Variants in MMS22L observed in about 807,000 individuals in gnomAD.
The protein encoded by MMS22L is protein MMS22-like.
In MMS22L, 74 loss-of-function variants were observed where a neutral mutation model predicts 159.1. The ratio of observed to expected loss-of-function variants is 0.47; its 90% CI spans 0.39 to 0.56. The LOEUF (loss-of-function observed/expected upper bound fraction) is 0.56. MMS22L is among the 20% of genes least tolerant of loss of function. The pLI, the probability that MMS22L is intolerant of heterozygous loss-of-function variation, is 0.00. For synonymous variants in MMS22L, 517 were observed against 506.9 expected (o/e 1.02, Z -0.27); for missense variants, 1,351 against 1,422.1 (o/e 0.95, Z 0.80).
intron 22 of MMS22L, among the ~76,000 whole-genome samples, chr6:97,161,418 C>T (rs1158775857): frequency 2.0e-5 from 3 of 152,024 alleles, no homozygotes; most frequent in Non-Finnish European, 4.4e-5. Flanking sequence ...ATTCAGGCTC[C>T]TTTGAGGTCA....
intron 20 of MMS22L, 102 bp from the exon 21 acceptor site, chr6:97,165,559 A>T (rs1802882334): frequency 2.1e-6 from 2 of 949,582 alleles, no homozygotes; most frequent in Non-Finnish European, 3.1e-6. Context: ...TAATCATGTG[A>T]GAATATAAAA....
intron 14 of MMS22L, among the ~76,000 whole-genome samples, chr6:97,192,650 A>G (rs1261908441): frequency 1.3e-5 from 2 of 152,202 alleles, no homozygotes; most frequent in African/African-American, 2.4e-5. Flanking sequence ...CAGACATACT[A>G]AAGTATACAT....
chr6:97,183,346 G>A (rs757006981), intron 15 of MMS22L, among the ~76,000 whole-genome samples: 4 of 151,932 alleles, frequency 2.6e-5, no homozygotes, highest in Non-Finnish European at 5.9e-5. Flanking sequence ...CTTGATTTGT[G>A]TACTCGCCTG....
At chr6:97,237,037 G>A (rs1293810871) in intron 11 of MMS22L, among the ~76,000 whole-genome samples, 1 of 151,986 alleles carries the variant, frequency 6.6e-6, no homozygotes, top group African/African-American at 2.4e-5. Context: ...AAAAATAATT[G>A]GTTGTGTATA....
chr6:97,176,898 C>A (rs984612043), intron 18 of MMS22L, among the ~76,000 whole-genome samples: 18 of 152,078 alleles, frequency 1.2e-4, no homozygotes, highest in African/African-American at 4.3e-4. Flanking sequence ...ATGCTAAGTC[C>A]TATGAATCAC....
At chr6:97,248,439 C>T (rs1218035249) in intron 10 of MMS22L, among the ~76,000 whole-genome samples, 1 of 152,146 alleles carries the variant, frequency 6.6e-6, no homozygotes, top group Non-Finnish European at 1.5e-5. Context: ...TGTGACACAG[C>T]AATAGATTAC....
intron 14 of MMS22L, among the ~76,000 whole-genome samples, chr6:97,217,925 C>T (rs1027471621): frequency 1.6e-4 from 24 of 152,078 alleles, no homozygotes; most frequent in Middle Eastern, 3.4e-3. Context: ...AAATGCCTTC[C>T]TTCCACTCTA....
At chr6:97,278,959 A>T (rs966792969) in intron 3 of MMS22L, 61 bp from the exon 4 acceptor site, 1 of 1,414,796 alleles carries the variant, frequency 7.1e-7, no homozygotes. Flanking sequence ...TGTAACAATT[A>T]CGTGGACAAT....
In MMS22L at chr6:97,254,668, T is replaced by A. The variant is rs1452248809; in HGVS notation, c.1008A>T (p.Arg336Ser). ...TGGACTGGATTACAGGCATAGAGGA[T>A]CTTCTTCGGTCACTTGATTTTTCAA... is the stretch of plus-strand genomic sequence containing the variant. ...TLLEKSSDRR[R>S]SSMPVIQSRD... Residue 336 changes from arginine (R) to serine (S), a missense_variant, in exon 10 of 25, where the codon AGA becomes AGT. Coordinates refer to ENST00000683635, the MANE Select transcript of MMS22L (RefSeq NM_001350599.2). 6.2e-7 allele frequency: 1 copy of A among 1,612,048 alleles called. No homozygotes were observed. Among genetic ancestry groups the A allele is most frequent in the Admixed American group, 1.7e-5 (1 of 59,572 alleles).
At chr6:97,165,169 G>A in intron 21 of MMS22L, 77 bp downstream of exon 21, 4 of 1,326,726 alleles carry the variant, frequency 3.0e-6, no homozygotes, top group East Asian at 4.7e-5. Flanking sequence ...TTGCCAATAT[G>A]TTTGAAATGC....
In MMS22L at chr6:97,267,935, A is replaced by C; in HGVS notation, c.765T>G (p.Phe255Leu). 1 of 1,609,954 alleles carries C rather than the reference A, an allele frequency of 6.2e-7. No individual in the cohort carries two copies. Among genetic ancestry groups the C allele is most frequent in the Non-Finnish European group, 8.5e-7 (1 of 1,178,588 alleles). Reference sequence around the variant, plus strand: ...AAAGGAGAGTTTCACAATGTTCTTCAAATAGGCTGATGTTGGTTAAATTGT... The same window carrying C: ...AAAGGAGAGTTTCACAATGTTCTTCCAATAGGCTGATGTTGGTTAAATTGT... ...ASDNLTNISLFEEHCETLLCD... is the reference protein window; with the variant it reads ...ASDNLTNISLLEEHCETLLCD... The change falls in exon 8 of 25, where the codon TTT becomes TTG. Residue 255 changes from phenylalanine (F) to leucine (L), a missense_variant. Phe to Leu is a conservative substitution (Grantham distance 22). Coordinates refer to ENST00000683635, the MANE Select transcript of MMS22L (RefSeq NM_001350599.2).
intron 14 of MMS22L, among the ~76,000 whole-genome samples, chr6:97,221,998 A>C (rs974500777): frequency 6.6e-6 from 1 of 152,128 alleles, no homozygotes; most frequent in African/African-American, 2.4e-5. Flanking sequence ...GCATGCTGTC[A>C]AAAGTATCAT....
intron 17 of MMS22L, 53 bp from the exon 18 acceptor site, chr6:97,178,638 C>G (rs1804366573): frequency 9.5e-6 from 8 of 842,690 alleles, no homozygotes; most frequent in Admixed American, 3.1e-5. Context: ...ATACTATATA[C>G]ATAACCACAC....
intron 12 of MMS22L, among the ~76,000 whole-genome samples, chr6:97,232,281 A>C (rs1296970260): frequency 6.6e-6 from 1 of 152,146 alleles, no homozygotes; most frequent in African/African-American, 2.4e-5. Flanking sequence ...CAAGCCTTTT[A>C]CTTAACAGTT....
At chr6:97,259,223 G>A (rs555782730) in intron 9 of MMS22L, 26 of 152,140 alleles carry the variant, frequency 1.7e-4, no homozygotes, top group African/African-American at 6.3e-4. Context: ...AACTCACTCC[G>A]TATCAGTTCA....
In MMS22L at chr6:97,273,072, A is replaced by G. The variant is rs764546542; in HGVS notation, c.341-10T>C. 4.4e-6 allele frequency: 7 copies of G among 1,593,866 alleles called. No individual in the cohort carries two copies. The Admixed American group carries it at 7.2e-5, about 16-fold the overall frequency. ...AGAGTTGATACCTTCCCTGAAACCA[A>G]AATAGACAATGTTAATCATAGTTCA... On this transcript the variant is annotated splice_polypyrimidine_tract_variant and intron_variant, in intron 4 of 24. Transcript: ENST00000683635.
chr6:97,202,900 G>T (rs1807329561), intron 14 of MMS22L, among the ~76,000 whole-genome samples: 3 of 152,104 alleles, frequency 2.0e-5, no homozygotes, highest in African/African-American at 7.2e-5. Context: ...GGATGATCAG[G>T]TTAAGATGAC....
At chr6:97,269,726 A>T (rs775639495) in intron 7 of MMS22L, among the ~76,000 whole-genome samples, 176 bp downstream of exon 7, 6 of 152,156 alleles carry the variant, frequency 3.9e-5, no homozygotes, top group Non-Finnish European at 7.4e-5. Context: ...GGAAAGATAA[A>T]CCAAGCTGTT....
At chr6:97,217,929 C>T (rs951893378) in intron 14 of MMS22L, among the ~76,000 whole-genome samples, 13 of 152,014 alleles carry the variant, frequency 8.6e-5, no homozygotes, top group Admixed American at 2.0e-4. Flanking sequence ...GCCTTCCTTC[C>T]ACTCTAATCC....
Sources: allele counts gnomAD v4.1 joint callset (sites outside exome capture counted in the v4.1 genomes callset), GRCh38; gene constraint gnomAD v4.1.1; transcripts MANE v1.5; gene names NCBI Gene and HGNC (gene_info 2026-07-23, HGNC 2026-07-21).